Variants in FAP observed in about 807,000 individuals in gnomAD.
FAP encodes the protein fibroblast activation protein alpha, also known as prolyl endopeptidase FAP.
Under a neutral mutation model 126.5 loss-of-function variants are expected in FAP, and 110 were observed. That is an observed-to-expected ratio of 0.87 (90% CI 0.74 to 1.02). The LOEUF (loss-of-function observed/expected upper bound fraction) is 1.02. FAP is among the 50% of genes least tolerant of loss of function. FAP has a pLI of 0.00. For missense variants in FAP, 919 were observed against 909.2 expected (o/e 1.01, Z -0.14); for synonymous variants, 334 against 297.3 (o/e 1.12, Z -1.27).
At chr2:162,213,250 C>A (rs1228132767) in intron 11 of FAP, among the ~76,000 whole-genome samples, 1 of 151,808 alleles carries the variant, frequency 6.6e-6, no homozygotes, top group Admixed American at 6.6e-5. Context: ...GTGGTGCACA[C>A]CTGTAGTCCC....
rs77338947 is a variant in FAP at position 162,215,564 on chromosome 2, C to T, written c.866+334G>A. ...TCATACACATGTGATCCACATAGAT[C>T]CACAAACCCTGGCTTGAGATAAAGT... On this transcript the variant is annotated intron_variant, in intron 10 of 25. Coordinates refer to ENST00000188790, the MANE Select transcript of FAP (RefSeq NM_004460.5). 2.7e-3 allele frequency among the ~76,000 whole-genome samples: 411 copies of T among 152,284 alleles called. 3 individuals are homozygous for T. Among genetic ancestry groups the T allele is most frequent in the Non-Finnish European group, 5.3e-3 (360 of 68,024 alleles).
At chr2:162,217,212 C>T (rs73973048) in intron 9 of FAP, among the ~76,000 whole-genome samples, 5,534 of 152,246 alleles carry the variant, frequency 0.036, 347 homozygotes, top group African/African-American at 0.13. Flanking sequence ...TGTCCAGCCA[C>T]GACAATATTC....
At chr2:162,171,909 T>C (rs1687317294) in intron 25 of FAP, 1 of 152,118 alleles carries the variant, frequency 6.6e-6, no homozygotes, top group Non-Finnish European at 1.5e-5. Flanking sequence ...TTTCCTTTTA[T>C]GTTGGGAAAA....
chr2:162,178,506 G>T (rs913152436), intron 21 of FAP, among the ~76,000 whole-genome samples: 2 of 152,128 alleles, frequency 1.3e-5, no homozygotes, highest in Non-Finnish European at 2.9e-5. Flanking sequence ...GCCTCCAGAC[G>T]TTGTCAAATG....
rs1689067952 is a variant in FAP, at chr2:162,214,042, T to G, written c.898A>C (p.Thr300Pro). The G allele has an allele frequency of 6.2e-7, 1 of 1,613,988 alleles. No individual in the cohort carries two copies. The highest frequency in any genetic ancestry group is 8.5e-7 in the Non-Finnish European group (1 of 1,179,998). ...CACTGCAAACATACTCGTTCATCAG[T>G]AACCCACGTGAGCCAACTGAAATAA... ...DYYFSWLTWV[T>P]DERVCLQWLK... The change falls in exon 11 of 26, where the codon ACT becomes CCT. Residue 300 changes from threonine to proline, a missense_variant. Transcript: ENST00000188790.
At chr2:162,204,914 T>C (rs1359926773) in intron 12 of FAP, among the ~76,000 whole-genome samples, 1 of 152,232 alleles carries the variant, frequency 6.6e-6, no homozygotes, top group Non-Finnish European at 1.5e-5. Context: ...TTAGTACATA[T>C]ACAAACCAAA....
rs555309193 is a variant in FAP, at chr2:162,179,608, A to T, written c.1869+3806T>A. ...TAAGAGAAATGCAAAGAGCTACTGG[A>T]GCACAAAGAAAATAATATGTAAGTT... is the stretch of plus-strand genomic sequence containing the variant. On this transcript the variant is annotated intron_variant, in intron 21 of 25. Transcript: ENST00000188790. 7.9e-5 allele frequency among the ~76,000 whole-genome samples: 12 copies of T among 152,234 alleles called. No homozygotes were observed. In the South Asian group the frequency reaches 2.5e-3, roughly 32 times the overall value.
At chr2:162,232,947 A>T (rs1349132515) in intron 2 of FAP, among the ~76,000 whole-genome samples, 1 of 152,076 alleles carries the variant, frequency 6.6e-6, no homozygotes, top group Non-Finnish European at 1.5e-5. Flanking sequence ...TCTCTACTTG[A>T]CATTTTGGCA....
chr2:162,173,127 A>G (rs1368171704), intron 24 of FAP, 22 bp downstream of exon 24: 3 of 1,597,084 alleles, frequency 1.9e-6, no homozygotes, highest in Non-Finnish European at 1.7e-6. Flanking sequence ...TTTTATGTGT[A>G]AGAGTCTTGC....
At chr2:162,207,931 G>A (rs976031484) in intron 12 of FAP, among the ~76,000 whole-genome samples, 4 of 149,088 alleles carry the variant, frequency 2.7e-5, no homozygotes, top group African/African-American at 9.9e-5. Flanking sequence ...GGATGGTCTC[G>A]ATCTCCTGAC....
At chr2:162,232,191 A>G (rs189283122) in intron 2 of FAP, among the ~76,000 whole-genome samples, 3 of 152,246 alleles carry the variant, frequency 2.0e-5, no homozygotes, top group Non-Finnish European at 4.4e-5. Flanking sequence ...GATGAGTAAT[A>G]GAAAGTGTTA....
At chr2:162,175,435 C>T (rs1264802592) in intron 21 of FAP, 1 of 152,524 alleles carries the variant, frequency 6.6e-6, no homozygotes, top group Non-Finnish European at 1.5e-5. Flanking sequence ...TTTGTATTTA[C>T]TTATTTATTT....
rs75158681 is a variant in FAP at position 162,192,832 on chromosome 2, A to G, written c.1450+1869T>C. Among the ~76,000 whole-genome samples, 646 of 152,256 alleles carry G rather than the reference A, an allele frequency of 4.2e-3. 4 individuals carry two copies. Among genetic ancestry groups the G allele is most frequent in the Non-Finnish European group, 4.9e-3 (331 of 68,010 alleles). On this transcript the variant is annotated intron_variant, in intron 17 of 25. Coordinates refer to ENST00000188790, the MANE Select transcript of FAP (RefSeq NM_004460.5). ...AATCATCCAAATAGCATTATCACCT[A>G]CTTCATATTCATGAGTCTCGGGTTT...
At chr2:162,227,651 C>T (rs1005999154) in intron 2 of FAP, among the ~76,000 whole-genome samples, 2 of 152,120 alleles carry the variant, frequency 1.3e-5, no homozygotes, top group African/African-American at 4.8e-5. Context: ...CTATAAAACT[C>T]GTAGCCCTCC....
chr2:162,224,650 C>A, intron 4 of FAP, 110 bp from the exon 5 acceptor site: 1 of 554,176 alleles, frequency 1.8e-6, no homozygotes, highest in Admixed American at 3.6e-5. Flanking sequence ...CATGCATAGA[C>A]TTTCAATGCA....
intron 11 of FAP, among the ~76,000 whole-genome samples, chr2:162,211,740 T>C (rs933513361): frequency 1.3e-5 from 2 of 152,186 alleles, no homozygotes; most frequent in Non-Finnish European, 2.9e-5. Context: ...AAGCATAATA[T>C]AAAAGATGTT....
At chr2:162,218,996 T>A in intron 8 of FAP, 67 bp downstream of exon 8, 1 of 1,303,990 alleles carries the variant, frequency 7.7e-7, no homozygotes. Context: ...TAAATCTTAC[T>A]AAATATATGA....
chr2:162,215,747 A>G (rs778028081), intron 10 of FAP, 151 bp downstream of exon 10: 1 of 587,948 alleles, frequency 1.7e-6, no homozygotes, highest in Non-Finnish European at 2.9e-6. Flanking sequence ...TGAAAAACCA[A>G]TTAAGGAAAC....
chr2:162,231,061 C>A (rs1689880050), intron 2 of FAP, among the ~76,000 whole-genome samples: 1 of 152,136 alleles, frequency 6.6e-6, no homozygotes, highest in Non-Finnish European at 1.5e-5. Flanking sequence ...TGCTCATTGC[C>A]TTCAAATGCA....
Sources: gnomAD v4.1 joint callset for allele counts (sites outside exome capture counted in the v4.1 genomes callset) on GRCh38, gnomAD v4.1.1 for gene constraint, MANE v1.5 for transcripts, NCBI Gene and HGNC (gene_info 2026-07-23, HGNC 2026-07-21) for gene names.